Variants in WWOX observed in about 807,000 individuals in gnomAD.
WWOX encodes WW domain-containing oxidoreductase.
Under a neutral mutation model 46.2 loss-of-function variants are expected in WWOX, and 69 were observed. The ratio of observed to expected loss-of-function variants is 1.49; its 90% CI spans 1.23 to 1.82. WWOX has a LOEUF of 1.82. Among genes scored for constraint, WWOX ranks in the 40% most tolerant of loss-of-function variants. The probability of loss-of-function intolerance (pLI) is 0.00; values close to 1 mark genes in which losing one functional copy is unlikely to be tolerated. For synonymous variants in WWOX, 359 were observed against 202.6 expected, an observed-to-expected ratio of 1.77 and a Z score of -6.56; for missense variants, 919 against 542.6, an observed-to-expected ratio of 1.69 and a Z score of -6.89.
intron 8 of WWOX, among the ~76,000 whole-genome samples, chr16:78,490,703 C>T (rs1279573326): frequency 6.6e-6 from 1 of 152,200 alleles, no homozygotes; most frequent in African/African-American, 2.4e-5. Context: ...AGTTCTCCGT[C>T]CTGCAGCAAA....
chr16:79,106,110 T>C (rs1018682828), intron 8 of WWOX: 3 of 152,210 alleles, frequency 2.0e-5, no homozygotes, highest in Admixed American at 1.3e-4. Context: ...TGGGAATTTG[T>C]TAGAAATGGA....
intron 6 of WWOX, among the ~76,000 whole-genome samples, chr16:78,393,322 G>C (rs1420162032): frequency 1.3e-5 from 2 of 152,196 alleles, no homozygotes; most frequent in Non-Finnish European, 2.9e-5. Flanking sequence ...AGAGTTAACA[G>C]CTCCTAGAGA....
chr16:79,081,020 C>G (rs2048751001), intron 8 of WWOX, among the ~76,000 whole-genome samples: 1 of 152,134 alleles, frequency 6.6e-6, no homozygotes, highest in South Asian at 2.1e-4. Context: ...ACCCACCAGG[C>G]TCTTCTTTAC....
intron 6 of WWOX, among the ~76,000 whole-genome samples, chr16:78,411,444 G>T (rs1450253994): frequency 6.6e-6 from 1 of 152,060 alleles, no homozygotes; most frequent in Non-Finnish European, 1.5e-5. Flanking sequence ...TTGACAGAGG[G>T]AATGGCACGA....
At position 78,962,323 on chromosome 16, in the gene WWOX, TTTTAAA is replaced by T. The variant is rs1251665931; in HGVS notation, c.1057-249284_1057-249279del. On this transcript the variant is annotated intron_variant, in intron 8 of 8. Coordinates refer to ENST00000566780, the MANE Select transcript of WWOX (RefSeq NM_016373.4). ...CATCCTTTTTTTTTTTTTTTTTTTT[TTTTAAA>T]AAAAAAAAAAAAGAAGGAATGTGAT... 1.5e-4 allele frequency among the ~76,000 whole-genome samples: 14 copies of T among 94,124 alleles called. No homozygotes were observed. The South Asian group carries it at 2.9e-3, about 19-fold the overall frequency. 61.7% of individuals were successfully genotyped at this position (94,124 alleles called of 152,430 possible). A position where few individuals can be genotyped will look rare whatever the true frequency, so the allele number is the denominator to read the frequency against.
At chr16:79,187,233 G>T (rs565801929) in intron 8 of WWOX, among the ~76,000 whole-genome samples, 1 of 152,258 alleles carries the variant, frequency 6.6e-6, no homozygotes, top group African/African-American at 2.4e-5. Flanking sequence ...GTTAATATCA[G>T]CACTTATCAC....
intron 8 of WWOX, among the ~76,000 whole-genome samples, chr16:79,188,094 G>T (rs2051055995): frequency 6.6e-6 from 1 of 152,216 alleles, no homozygotes; most frequent in Non-Finnish European, 1.5e-5. Flanking sequence ...GGGCAGTACA[G>T]TGTAGAGTCA....
intron 8 of WWOX, among the ~76,000 whole-genome samples, chr16:78,624,522 G>A (rs1386664975): frequency 6.6e-6 from 1 of 152,130 alleles, no homozygotes; most frequent in South Asian, 2.1e-4. Context: ...ATCTTTAATA[G>A]CTTCTGTGTG....
intron 8 of WWOX, among the ~76,000 whole-genome samples, chr16:78,724,170 T>C (rs2048768205): frequency 6.6e-6 from 1 of 152,196 alleles, no homozygotes; most frequent in Non-Finnish European, 1.5e-5. Context: ...CCGGTTCATA[T>C]CTCACTCCGT....
At chr16:78,335,215 C>T (rs939323768) in intron 5 of WWOX, among the ~76,000 whole-genome samples, 5 of 152,134 alleles carry the variant, frequency 3.3e-5, no homozygotes, top group African/African-American at 1.2e-4. Flanking sequence ...TGGTTTGCTG[C>T]AGAGATCAAC....
chr16:78,555,405 C>G (rs751075927), intron 8 of WWOX, among the ~76,000 whole-genome samples: 2 of 152,080 alleles, frequency 1.3e-5, no homozygotes, highest in Non-Finnish European at 2.9e-5. Context: ...ATGTGTATAG[C>G]ATACAGAGCT....
intron 8 of WWOX, among the ~76,000 whole-genome samples, chr16:78,560,601 G>C (rs376229613): frequency 6.6e-6 from 1 of 152,078 alleles, no homozygotes; most frequent in African/African-American, 2.4e-5. Flanking sequence ...CTGAGATCAC[G>C]CCATTATACT....
intron 8 of WWOX, among the ~76,000 whole-genome samples, chr16:78,523,864 C>G (rs897512058): frequency 6.6e-6 from 1 of 152,214 alleles, no homozygotes. Flanking sequence ...CAGCTAGGAG[C>G]TAGAGTTTTA....
chr16:79,162,588 C>A (rs769181437), intron 8 of WWOX, among the ~76,000 whole-genome samples: 3 of 152,158 alleles, frequency 2.0e-5, no homozygotes, highest in Non-Finnish European at 1.5e-5. Flanking sequence ...ACCTTAGGGA[C>A]AGGACAATAA....
At chr16:79,068,819 C>CCAA (rs1213417847) in intron 8 of WWOX, among the ~76,000 whole-genome samples, 38 of 80,354 alleles carry the variant, frequency 4.7e-4, no homozygotes, top group African/African-American at 1.6e-3. Flanking sequence ...TCAAAAAAAC[C>CCAA]CAATAATAAT....
intron 5 of WWOX, among the ~76,000 whole-genome samples, chr16:78,333,725 G>A (rs1420761152): frequency 2.0e-5 from 3 of 152,170 alleles, no homozygotes; most frequent in Non-Finnish European, 2.9e-5. Context: ...TGATACACAT[G>A]AAATAAAATT....
chr16:78,859,216 T>A (rs923240162), intron 8 of WWOX, among the ~76,000 whole-genome samples: 5 of 151,578 alleles, frequency 3.3e-5, no homozygotes, highest in African/African-American at 4.9e-5. Flanking sequence ...TGAGTTCAAC[T>A]GATTTCAACT....
At chr16:79,112,116 C>G (rs1206817457) in intron 8 of WWOX, among the ~76,000 whole-genome samples, 1 of 152,170 alleles carries the variant, frequency 6.6e-6, no homozygotes, top group Non-Finnish European at 1.5e-5. Flanking sequence ...CTCTCTCCCT[C>G]CTTCCCATTT....
At chr16:78,439,740 C>T (rs1373480683) in intron 8 of WWOX, among the ~76,000 whole-genome samples, 2 of 152,332 alleles carry the variant, frequency 1.3e-5, no homozygotes, top group East Asian at 3.9e-4. Context: ...AGAGGTTTTG[C>T]TTCCCATGTA....
Sources: allele counts gnomAD v4.1 joint callset (sites outside exome capture counted in the v4.1 genomes callset), GRCh38; gene constraint gnomAD v4.1.1; transcripts MANE v1.5; gene names NCBI Gene and HGNC (gene_info 2026-07-23, HGNC 2026-07-21).